The following ALX4 variants were observed in gnomAD, a reference collection of about 807,000 sequenced individuals.
ALX4 encodes ALX homeobox 4.
A neutral mutation model predicts 40.6 loss-of-function variants in ALX4; 22 were observed. The ratio of observed to expected loss-of-function variants is 0.54; its 90% CI spans 0.39 to 0.77. ALX4 has a LOEUF of 0.77. ALX4 is among the 30% of genes least tolerant of loss of function. ALX4 has a pLI of 0.00. For synonymous variants in ALX4, 266 were observed against 240.5 expected, an observed-to-expected ratio of 1.11 and a Z score of -0.98; for missense variants, 556 against 564.8, an observed-to-expected ratio of 0.98 and a Z score of 0.16.
At chr11:44,275,769 T>A (rs1956274711) in intron 1 of ALX4, 111 bp from the exon 2 acceptor site, 2 of 1,016,074 alleles carry the variant, frequency 2.0e-6, no homozygotes, top group Non-Finnish European at 2.8e-6. Context: ...CTTTTTCCTC[T>A]TAGAGCTCAT....
chr11:44,295,481 C>T (rs908964796), intron 1 of ALX4, among the ~76,000 whole-genome samples: 8 of 152,210 alleles, frequency 5.3e-5, no homozygotes, highest in Admixed American at 6.5e-5. Context: ...TCACCTAGGC[C>T]GGGGAAGTTC....
chr11:44,276,100 G>A (rs1168256213), intron 1 of ALX4, among the ~76,000 whole-genome samples: 1 of 152,186 alleles, frequency 6.6e-6, no homozygotes, highest in East Asian at 1.9e-4. Context: ...CTGGCCCAGT[G>A]GGGCTTGGGG....
chr11:44,264,371 G>T lies in ALX4; in HGVS notation c.*483C>A. On this transcript the variant is annotated 3_prime_UTR_variant, in exon 4 of 4. Coordinates refer to ENST00000652299, the MANE Select transcript of ALX4 (RefSeq NM_021926.4). The stretch of plus-strand genomic sequence containing the variant: ...CAGGGAGAGAAAGATGGGAGGGCAG[G>T]AGGCTGGCTCTGCAGGGCAGCCTGT... 1 of 166,662 alleles carries T rather than the reference G, an allele frequency of 6.0e-6. No homozygotes were observed. Among genetic ancestry groups the T allele is most frequent in the Non-Finnish European group, 1.3e-5 (1 of 77,082 alleles). 10.3% of individuals were successfully genotyped at this position (166,662 alleles called of 1,614,324 possible). A position where few individuals can be genotyped will look rare whatever the true frequency, so the allele number is the denominator to read the frequency against.
In ALX4 at chr11:44,275,564, C is replaced by T. The variant is rs774556630; in HGVS notation, c.561G>A (p.Val187=). The T allele has an allele frequency of 1.2e-6, 2 of 1,614,186 alleles. No individual in the cohort carries two copies. The highest frequency in any genetic ancestry group is 1.7e-6 in the Non-Finnish European group (2 of 1,180,018). ...SSYLSVKEAG[V]KGPQDRASSD... ...AGCTGGCCCGGTCCTGGGGCCCCTT[C>T]ACCCCAGCCTCCTTGACACTCAGGT... The change falls in exon 2 of 4, where the codon GTG becomes GTA. Residue 187 remains valine (V), a synonymous_variant. Coordinates refer to ENST00000652299, the MANE Select transcript of ALX4 (RefSeq NM_021926.4).
intron 1 of ALX4, among the ~76,000 whole-genome samples, chr11:44,277,763 G>T (rs1425564393): frequency 6.6e-6 from 1 of 152,198 alleles, no homozygotes; most frequent in Admixed American, 6.5e-5. Context: ...GGGCATAGAG[G>T]TGAGTGCCCA....
chr11:44,275,224 C>T, intron 2 of ALX4, 124 bp downstream of exon 2: 3 of 1,013,016 alleles, frequency 3.0e-6, no homozygotes, highest in Admixed American at 1.9e-5. Context: ...TTCAGGTTCT[C>T]AATGAACTGA....
chr11:44,296,023 G>C (rs1439122762), intron 1 of ALX4, among the ~76,000 whole-genome samples: 1 of 152,204 alleles, frequency 6.6e-6, no homozygotes, highest in Non-Finnish European at 1.5e-5. Context: ...TTGGTCACTG[G>C]CCTGCAGGCA....
intron 1 of ALX4, among the ~76,000 whole-genome samples, chr11:44,300,464 G>T (rs557311530): frequency 6.6e-6 from 1 of 152,130 alleles, no homozygotes. Flanking sequence ...TAGAGACATC[G>T]GGGAGGCTCA....
rs1254589578 is a variant in ALX4 at position 44,276,239 on chromosome 11, C to T, written c.467-581G>A. Among the ~76,000 whole-genome samples, 3 of 152,214 alleles carry T rather than the reference C, an allele frequency of 2.0e-5. 1 individual carries two copies. Among genetic ancestry groups the T allele is most frequent in the Admixed American group, 2.0e-4 (3 of 15,288 alleles). Reference sequence around the variant, plus strand: ...AGTGCTGAGGAGTCAACACCTCCTTCCCTGCCCCCCAACCCTGCACACTGG... The same window carrying T: ...AGTGCTGAGGAGTCAACACCTCCTTTCCTGCCCCCCAACCCTGCACACTGG... On this transcript the variant is annotated intron_variant, in intron 1 of 3. Coordinates refer to ENST00000652299, the MANE Select transcript of ALX4 (RefSeq NM_021926.4).
chr11:44,282,738 A>C (rs1590695044), intron 1 of ALX4, among the ~76,000 whole-genome samples: 1 of 152,208 alleles, frequency 6.6e-6, no homozygotes, highest in Admixed American at 6.5e-5. Flanking sequence ...CATGAAGTGC[A>C]ACTGCACTCA....
At chr11:44,303,915 G>T (rs1469845969) in intron 1 of ALX4, among the ~76,000 whole-genome samples, 1 of 152,202 alleles carries the variant, frequency 6.6e-6, no homozygotes, top group Non-Finnish European at 1.5e-5. Flanking sequence ...TGGAGATGGG[G>T]GTGTCCCCGG....
intron 1 of ALX4, among the ~76,000 whole-genome samples, chr11:44,292,377 A>AATTTTTTTTT (rs1565007139): frequency 1.1e-5 from 1 of 93,112 alleles, no homozygotes; most frequent in Admixed American, 1.3e-4. Flanking sequence ...GGCTAATTAA[A>AATTTTTTTTT]TTTTTTTTTT....
At chr11:44,305,077 C>G (rs1956458279) in intron 1 of ALX4, among the ~76,000 whole-genome samples, 2 of 152,200 alleles carry the variant, frequency 1.3e-5, no homozygotes, top group South Asian at 4.1e-4. Context: ...AAACAACTTA[C>G]AAAAAATGTT....
intron 1 of ALX4, among the ~76,000 whole-genome samples, chr11:44,307,774 A>T (rs911601578): frequency 1.3e-5 from 2 of 151,276 alleles, no homozygotes; most frequent in African/African-American, 4.9e-5. Flanking sequence ...CTTAGCACGG[A>T]AAGAGTGCCT....
chr11:44,264,567 T>C lies in ALX4; in HGVS notation c.*287A>G. On this transcript the variant is annotated 3_prime_UTR_variant, in exon 4 of 4. Transcript: ENST00000652299. Reference sequence around the variant, plus strand: ...GCGGGAGCAAGAAAGCGCTTTCAGCTTATCATGGATGCGAAGCTGAAAAAC... The same window carrying C: ...GCGGGAGCAAGAAAGCGCTTTCAGCCTATCATGGATGCGAAGCTGAAAAAC... 1 of 542,578 alleles carries C rather than the reference T, an allele frequency of 1.8e-6. No homozygotes were observed. Among genetic ancestry groups the C allele is most frequent in the South Asian group, 2.3e-5 (1 of 44,092 alleles). The allele number at this position is 542,578 out of a possible 1,614,324, so 33.6% of individuals were successfully genotyped here. A position where few individuals can be genotyped will look rare whatever the true frequency, so the allele number is the denominator to read the frequency against.
At chr11:44,273,484 G>A (rs1440349594) in intron 2 of ALX4, among the ~76,000 whole-genome samples, 1 of 152,126 alleles carries the variant, frequency 6.6e-6, no homozygotes, top group Non-Finnish European at 1.5e-5. Flanking sequence ...TCTGGACAAG[G>A]GTTGATTGAT....
intron 2 of ALX4, among the ~76,000 whole-genome samples, chr11:44,274,844 G>A (rs1956268326): frequency 6.6e-6 from 1 of 152,248 alleles, no homozygotes; most frequent in South Asian, 2.1e-4. Flanking sequence ...ACTTCTCAGA[G>A]GAGGTATGAG....
chr11:44,269,959 C>G (rs917332212), intron 2 of ALX4, among the ~76,000 whole-genome samples: 5 of 152,174 alleles, frequency 3.3e-5, no homozygotes, highest in African/African-American at 9.6e-5. Context: ...TTCTCTTTTT[C>G]TTTTTGTCAC....
At chr11:44,280,817 G>A (rs567967274) in intron 1 of ALX4, among the ~76,000 whole-genome samples, 2 of 152,348 alleles carry the variant, frequency 1.3e-5, no homozygotes, top group Non-Finnish European at 2.9e-5. Flanking sequence ...GAAGTGGGAA[G>A]CATTCAGTTC....
Sources: gnomAD v4.1 joint callset for allele counts (sites outside exome capture counted in the v4.1 genomes callset) on GRCh38, gnomAD v4.1.1 for gene constraint, MANE v1.5 for transcripts, NCBI Gene and HGNC (gene_info 2026-07-23, HGNC 2026-07-21) for gene names.